SYT2: variants seen among roughly 807,000 people sequenced by gnomAD.
SYT2 encodes the protein synaptotagmin 2.
In SYT2, 15 loss-of-function variants were observed where a neutral mutation model predicts 39.9. The ratio of observed to expected loss-of-function variants is 0.38; its 90% confidence interval spans 0.25 to 0.58. SYT2 has a LOEUF of 0.58. Among genes scored for constraint, SYT2 ranks in the 20% least tolerant of loss-of-function variants. The pLI, the probability that SYT2 is intolerant of heterozygous loss-of-function variation, is 0.70. For missense variants in SYT2, 389 were observed against 530.3 expected, an observed-to-expected ratio of 0.73 and a Z score of 2.62; for synonymous variants, 181 against 204.5, an observed-to-expected ratio of 0.89 and a Z score of 0.98.
intron 1 of SYT2, among the ~76,000 whole-genome samples, chr1:202,705,801 G>C (rs1460667583): frequency 1.3e-5 from 2 of 150,488 alleles, no homozygotes; most frequent in Non-Finnish European, 2.9e-5. Flanking sequence ...CTGCAGTCTC[G>C]ACCTCCTGGG....
At chr1:202,669,859 T>C (rs1367978043) in intron 1 of SYT2, among the ~76,000 whole-genome samples, 2 of 152,016 alleles carry the variant, frequency 1.3e-5, no homozygotes, top group Non-Finnish European at 2.9e-5. Context: ...TCAGTCAACC[T>C]ACCTGGGAGC....
intron 1 of SYT2, among the ~76,000 whole-genome samples, chr1:202,641,224 C>T (rs1037970998): frequency 2.6e-5 from 4 of 152,184 alleles, no homozygotes; most frequent in African/African-American, 7.2e-5. Flanking sequence ...AATTCATATA[C>T]AGTATTTGTC....
At chr1:202,705,676 A>G (rs901055991) in intron 1 of SYT2, among the ~76,000 whole-genome samples, 17 of 151,492 alleles carry the variant, frequency 1.1e-4, no homozygotes, top group Admixed American at 9.2e-4. Flanking sequence ...TGATCCAGGG[A>G]GGAAGCTTCT....
intron 1 of SYT2, among the ~76,000 whole-genome samples, chr1:202,698,112 A>AC (rs56124443): frequency 0.021 from 3,149 of 150,384 alleles, 105 homozygotes; most frequent in African/African-American, 0.07. Context: ...GGGTCTCACC[A>AC]CCCCCCCAAG....
At chr1:202,659,376 C>T (rs1449023088) in intron 1 of SYT2, among the ~76,000 whole-genome samples, 3 of 152,204 alleles carry the variant, frequency 2.0e-5, no homozygotes, top group Middle Eastern at 3.2e-3. Flanking sequence ...GCAGACCTAT[C>T]CCTGCCAGCT....
At chr1:202,682,342 G>T (rs913953471) in intron 1 of SYT2, among the ~76,000 whole-genome samples, 1 of 152,152 alleles carries the variant, frequency 6.6e-6, no homozygotes, top group Non-Finnish European at 1.5e-5. Context: ...AAACACAGAG[G>T]TACCATCTAC....
At chr1:202,637,573 T>C (rs1691773836) in intron 1 of SYT2, among the ~76,000 whole-genome samples, 1 of 152,178 alleles carries the variant, frequency 6.6e-6, no homozygotes, top group Non-Finnish European at 1.5e-5. Context: ...AGCCGAGCAG[T>C]GGGGAGCAGG....
At chr1:202,606,436 A>G (rs543066228) in intron 1 of SYT2, among the ~76,000 whole-genome samples, 1 of 152,208 alleles carries the variant, frequency 6.6e-6, no homozygotes, top group African/African-American at 2.4e-5. Context: ...AAGGATTTCT[A>G]GATACTACTC....
intron 4 of SYT2, 81 bp from the exon 5 acceptor site, chr1:202,602,626 C>A: frequency 7.1e-7 from 1 of 1,407,490 alleles, no homozygotes; most frequent in African/African-American, 1.4e-5. Context: ...CAGCACCCAC[C>A]AATTCCGTCC....
chr1:202,681,969 C>T (rs1393271928), intron 1 of SYT2, among the ~76,000 whole-genome samples: 1 of 152,210 alleles, frequency 6.6e-6, no homozygotes, highest in Non-Finnish European at 1.5e-5. Context: ...CATGGAGCTG[C>T]TGACAGCTCC....
chr1:202,686,655 G>A (rs1373266720), intron 1 of SYT2, among the ~76,000 whole-genome samples: 2 of 152,260 alleles, frequency 1.3e-5, no homozygotes, highest in African/African-American at 2.4e-5. Flanking sequence ...ACAGACAACA[G>A]CTACTGCTCT....
rs1690401624 is a variant in SYT2, at chr1:202,599,039, G to A, written c.1053+179C>T. Among the ~76,000 whole-genome samples, 1 of 152,114 alleles carries A rather than the reference G, an allele frequency of 6.6e-6. No homozygotes were observed. The highest frequency in any genetic ancestry group is 1.5e-5 in the Non-Finnish European group (1 of 68,036). On this transcript the variant is annotated intron_variant, in intron 8 of 8. Transcript: ENST00000367268. The surrounding 1 kb of genome is among the most constrained non-coding windows in gnomAD (Gnocchi z 4.4). Reference sequence around the variant, plus strand: ...AGTTCATGTTTATCTCCTCAGAAAAGGGGGATCCCTGAAGCACTTGGGAAG... The same window carrying A: ...AGTTCATGTTTATCTCCTCAGAAAAAGGGGATCCCTGAAGCACTTGGGAAG...
At chr1:202,617,649 T>A (rs188031735) in intron 1 of SYT2, among the ~76,000 whole-genome samples, 1 of 152,064 alleles carries the variant, frequency 6.6e-6, no homozygotes, top group African/African-American at 2.4e-5. Context: ...AAGAACGCCT[T>A]CCTCCCCACA....
Position 202,695,977 on chromosome 1 carries a change from T to C in SYT2, c.-18+14281A>G, listed in dbSNP as rs145006235. On this transcript the variant is annotated intron_variant, in intron 1 of 8. Coordinates refer to ENST00000367268, the MANE Select transcript of SYT2 (RefSeq NM_177402.5). ...CCTCCCTCCTGCTCTCTGGAGTTAG[T>C]GGACTTTTCAGCCCTGTTTCTAAAT... is the stretch of plus-strand genomic sequence containing the variant. Among the ~76,000 whole-genome samples, 10 of 152,378 alleles carry C rather than the reference T, an allele frequency of 6.6e-5. No homozygotes were observed. In the East Asian group the frequency reaches 1.9e-3, roughly 29 times the overall value.
chr1:202,704,340 G>A (rs928579280), intron 1 of SYT2, among the ~76,000 whole-genome samples: 9 of 152,210 alleles, frequency 5.9e-5, no homozygotes, highest in African/African-American at 2.2e-4. Flanking sequence ...GCTGATAGAG[G>A]AGACACGGTT....
chr1:202,596,648 C>T lies in SYT2; in HGVS notation c.*109G>A, dbSNP rs1327892322. 1 of 1,085,264 alleles carries T rather than the reference C, an allele frequency of 9.2e-7. No individual in the cohort carries two copies. 67.2% of individuals were successfully genotyped at this position (1,085,264 alleles called of 1,614,324 possible). A position where few individuals can be genotyped will look rare whatever the true frequency, so the allele number is the denominator to read the frequency against. On this transcript the variant is annotated 3_prime_UTR_variant, in exon 9 of 9. Coordinates refer to ENST00000367268, the MANE Select transcript of SYT2 (RefSeq NM_177402.5). ...CAAGGAAAAACAAGGACACAACCAC[C>T]CAACAAATGAAAGAAAAAAGAAAAC...
In SYT2 at chr1:202,616,915, A is replaced by T. The variant is rs556308540; in HGVS notation, c.-17-11126T>A. Among the ~76,000 whole-genome samples, 11 of 152,324 alleles carry T rather than the reference A, an allele frequency of 7.2e-5. No homozygotes were observed. The South Asian group carries it at 2.3e-3, about 32-fold the overall frequency. On this transcript the variant is annotated intron_variant, in intron 1 of 8. Transcript: ENST00000367268. ...AACTGGCCCCCGACATAGCTGCCTG[A>T]TCTTCTGGGTCTCCTCTTGCTCGCC...
intron 1 of SYT2, among the ~76,000 whole-genome samples, chr1:202,684,444 C>T (rs1013362924): frequency 2.0e-5 from 3 of 152,004 alleles, no homozygotes; most frequent in Non-Finnish European, 4.4e-5. Flanking sequence ...CAGGTTCATC[C>T]ATGCTGTCAC....
rs772139994 is a variant in SYT2, at chr1:202,596,805, C to T, written c.1212G>A (p.Ser404=). Residue 404 remains serine (S), a synonymous_variant, in exon 9 of 9, where the codon TCG becomes TCA. Transcript: ENST00000367268. ...CATCCACCTCCTCCTCAGGCTTGAG[C>T]GAGTGCCACTGGGCGATGGGCCTCC... ...NPRRPIAQWH[S]LKPEEEVDAL... 17 of 1,614,148 alleles carry T rather than the reference C, an allele frequency of 1.1e-5. No homozygotes were observed. The highest frequency in any genetic ancestry group is 1.4e-5 in the Non-Finnish European group (17 of 1,180,006).
Sources: allele counts gnomAD v4.1 joint callset (sites outside exome capture counted in the v4.1 genomes callset), GRCh38; gene constraint gnomAD v4.1.1; non-coding constraint Gnocchi (gnomAD v3.1); transcripts MANE v1.5; gene names NCBI Gene and HGNC (gene_info 2026-07-23, HGNC 2026-07-21).